CLTCL1: variants seen among roughly 807,000 people sequenced by gnomAD.
CLTCL1 encodes the protein clathrin heavy chain 2.
Under a neutral mutation model 190.0 loss-of-function variants are expected in CLTCL1, and 159 were observed. The observed-to-expected ratio is 0.84, with a 90% CI of 0.74 to 0.95. The LOEUF is 0.95. CLTCL1 is among the 40% of genes least tolerant of loss of function. The pLI is 0.00. For missense variants in CLTCL1, 1,878 were observed against 2,033.4 expected (o/e 0.92, Z 1.47); for synonymous variants, 752 against 769.6 (o/e 0.98, Z 0.38).
chr22:19,238,564 G>A (rs2086153076), intron 5 of CLTCL1: 2 of 216,314 alleles, frequency 9.2e-6, no homozygotes, highest in South Asian at 8.2e-5. Context: ...GCTGACATGT[G>A]TTTCTGTTTT....
At chr22:19,215,202 T>C (rs1467807465) in intron 19 of CLTCL1, among the ~76,000 whole-genome samples, 1 of 152,218 alleles carries the variant, frequency 6.6e-6, no homozygotes, top group African/African-American at 2.4e-5. Context: ...TTAGTCAGGG[T>C]TTATGATTCC....
intron 2 of CLTCL1, among the ~76,000 whole-genome samples, chr22:19,255,747 T>C (rs529155952): frequency 5.3e-4 from 77 of 144,222 alleles, no homozygotes; most frequent in Non-Finnish European, 7.8e-4. Context: ...CCGTCTCTAC[T>C]AAAAATACGA....
chr22:19,192,797 A>G (rs1298248728), intron 26 of CLTCL1, among the ~76,000 whole-genome samples: 1 of 152,178 alleles, frequency 6.6e-6, no homozygotes, highest in Non-Finnish European at 1.5e-5. Flanking sequence ...TTCAGAGCAA[A>G]ACGGTGAACT....
At chr22:19,249,272 T>A (rs1179034551) in intron 3 of CLTCL1, among the ~76,000 whole-genome samples, 1 of 152,082 alleles carries the variant, frequency 6.6e-6, no homozygotes, top group Admixed American at 6.6e-5. Context: ...GGCAGGAGGA[T>A]TGCTTGAACC....
chr22:19,194,652 T>C (rs2084637023), intron 26 of CLTCL1, among the ~76,000 whole-genome samples: 1 of 152,026 alleles, frequency 6.6e-6, no homozygotes, highest in Non-Finnish European at 1.5e-5. Context: ...TGATGTCCAT[T>C]GTATGGATGG....
chr22:19,208,306 A>C lies in CLTCL1; in HGVS notation c.3448T>G (p.Trp1150Gly), dbSNP rs1231038298. The C allele has an allele frequency of 1.9e-6, 3 of 1,613,356 alleles. No individual in the cohort carries two copies. The highest frequency in any genetic ancestry group is 2.5e-6 in the Non-Finnish European group (3 of 1,179,818). Residue 1150 changes from tryptophan (W) to glycine (G), a missense_variant, in exon 22 of 33, where the codon TGG (tryptophan) becomes GGG (glycine). Coordinates refer to ENST00000427926, the MANE Select transcript of CLTCL1 (RefSeq NM_007098.4). Reference sequence around the variant, plus strand: ...TGCAGAAATTTAACTAGATCCTCCCAGTTGTCTAAAGACAGAAAACAAAGA... The same window carrying C: ...TGCAGAAATTTAACTAGATCCTCCCCGTTGTCTAAAGACAGAAAACAAAGA... Reference protein sequence around the residue: ...VVQSASRSNNWEDLVKFLQMA... With the variant: ...VVQSASRSNNGEDLVKFLQMA...
In CLTCL1 at chr22:19,291,698, C is replaced by G. The variant is rs3747061; in HGVS notation, c.-57G>C. The G allele has an allele frequency of 0.067, 87,664 of 1,312,356 alleles. 3,174 individuals carry two copies. The highest frequency in any genetic ancestry group is 0.11 in the Middle Eastern group (439 of 3,958). The allele number at this position is 1,312,356 out of a possible 1,614,324, so 81.3% of individuals were successfully genotyped here. On this transcript the variant is annotated 5_prime_UTR_variant, in exon 1 of 33. Transcript: ENST00000427926. ...CAGCGGCAGGAATGAACGCCGACCC[C>G]TCGCGCGGGCTGACCGGTGGCGACG...
Position 19,291,710 on chromosome 22 carries a change from G to A in CLTCL1, c.-69C>T. The stretch of plus-strand genomic sequence containing the variant: ...TGAACGCCGACCCCTCGCGCGGGCT[G>A]ACCGGTGGCGACGGCGCAGGCGCAG... On this transcript the variant is annotated 5_prime_UTR_variant, in exon 1 of 33. Coordinates refer to ENST00000427926, the MANE Select transcript of CLTCL1 (RefSeq NM_007098.4). The A allele has an allele frequency of 3.9e-6, 5 of 1,289,094 alleles. No individual in the cohort carries two copies. The highest frequency in any genetic ancestry group is 4.9e-6 in the Non-Finnish European group (5 of 1,010,282). The allele number at this position is 1,289,094 out of a possible 1,614,324, so 79.9% of individuals were successfully genotyped here. A position where few individuals can be genotyped will look rare whatever the true frequency, so the allele number is the denominator to read the frequency against.
chr22:19,263,602 G>C (rs1161933417), intron 2 of CLTCL1, among the ~76,000 whole-genome samples: 1 of 151,988 alleles, frequency 6.6e-6, no homozygotes, highest in Non-Finnish European at 1.5e-5. Context: ...TGTATTTTTA[G>C]TAGAGACAGG....
chr22:19,208,489 C>T (rs577349019), intron 21 of CLTCL1, among the ~76,000 whole-genome samples, 178 bp from the exon 22 acceptor site: 2 of 152,212 alleles, frequency 1.3e-5, no homozygotes, highest in African/African-American at 2.4e-5. Flanking sequence ...AGATCCATAG[C>T]TCAGAAGGGA....
rs567185553 is a variant in CLTCL1 at position 19,239,169 on chromosome 22, G to A, written c.795+106C>T. On this transcript the variant is annotated intron_variant, in intron 5 of 32. Transcript: ENST00000427926. ...AAATGGGTTTGAAAGCATCACAGTG[G>A]CAGGAGACAGCAGAAGCAGACTAAA... 4.7e-6 allele frequency: 4 copies of A among 850,818 alleles called. No individual in the cohort carries two copies. The African/African-American group carries it at 6.7e-5, about 14-fold the overall frequency. The allele number at this position is 850,818 out of a possible 1,614,324, so 52.7% of individuals were successfully genotyped here.
intron 2 of CLTCL1, among the ~76,000 whole-genome samples, chr22:19,266,726 C>T (rs1236869498): frequency 1.3e-5 from 2 of 151,988 alleles, no homozygotes; most frequent in South Asian, 2.1e-4. Context: ...AGAGATTTAC[C>T]ACAGGAATGC....
At chr22:19,289,956 T>C (rs1353325754) in intron 1 of CLTCL1, among the ~76,000 whole-genome samples, 2 of 152,194 alleles carry the variant, frequency 1.3e-5, no homozygotes, top group African/African-American at 4.8e-5. Context: ...GAAGGCAGTG[T>C]GTGCTGACTC....
chr22:19,251,746 G>A (rs146868485), intron 3 of CLTCL1, among the ~76,000 whole-genome samples: 7,276 of 152,256 alleles, frequency 0.048, 227 homozygotes, highest in African/African-American at 0.092. Context: ...GTGAGCCACC[G>A]TGCCCAGCCT....
chr22:19,258,214 G>A (rs1030083494), intron 2 of CLTCL1: 1 of 341,072 alleles, frequency 2.9e-6, no homozygotes, highest in Non-Finnish European at 5.7e-6. Flanking sequence ...CTAGCTTTGG[G>A]TTGACTGTGG....
intron 18 of CLTCL1, among the ~76,000 whole-genome samples, chr22:19,216,989 C>G (rs993194062): frequency 6.6e-6 from 1 of 152,186 alleles, no homozygotes; most frequent in African/African-American, 2.4e-5. Context: ...AGAGACAGCT[C>G]TGGACGGTCT....
chr22:19,252,839 C>T (rs1400150499), intron 3 of CLTCL1, among the ~76,000 whole-genome samples: 1 of 151,948 alleles, frequency 6.6e-6, no homozygotes, highest in Admixed American at 6.6e-5. Flanking sequence ...ACGGAGAAAC[C>T]CCATCTCTAC....
intron 30 of CLTCL1, 49 bp from the exon 31 acceptor site, chr22:19,180,855 C>T (rs778975309): frequency 3.9e-5 from 61 of 1,549,480 alleles, no homozygotes; most frequent in South Asian, 7.8e-5. Flanking sequence ...GAGTGCAGTC[C>T]GGCCTCTAGG....
chr22:19,240,989 T>C (rs2086236478), intron 4 of CLTCL1, among the ~76,000 whole-genome samples: 1 of 152,210 alleles, frequency 6.6e-6, no homozygotes, highest in Non-Finnish European at 1.5e-5. Context: ...GGAAGGTGCA[T>C]GCCTGGGCAC....
Sources: gnomAD v4.1 joint callset for allele counts (sites outside exome capture counted in the v4.1 genomes callset) on GRCh38, gnomAD v4.1.1 for gene constraint, MANE v1.5 for transcripts, NCBI Gene and HGNC (gene_info 2026-07-23, HGNC 2026-07-21) for gene names.